The following ABI2 variants were observed in gnomAD, a reference collection of about 807,000 sequenced individuals.
ABI2 encodes the protein abelson interactor 2.
Under a neutral mutation model 59.2 loss-of-function variants are expected in ABI2, and 25 were observed. That is an observed-to-expected ratio of 0.42 (90% confidence interval 0.31 to 0.59). ABI2 has a LOEUF of 0.59. ABI2 is among the 20% of genes least tolerant of loss of function. The pLI is 0.14. For missense variants in ABI2, 545 were observed against 681.8 expected, an observed-to-expected ratio of 0.80 and a Z score of 2.23; for synonymous variants, 213 against 235.5, an observed-to-expected ratio of 0.90 and a Z score of 0.87.
intron 11 of ABI2, among the ~76,000 whole-genome samples, chr2:203,422,347 G>C (rs2443791): frequency 2.6e-5 from 4 of 152,182 alleles, no homozygotes; most frequent in African/African-American, 4.8e-5. Context: ...ACACTGCTTA[G>C]AAAATCTCAG....
At chr2:203,426,883 A>C (rs77947140) in intron 11 of ABI2, among the ~76,000 whole-genome samples, 1 of 151,794 alleles carries the variant, frequency 6.6e-6, no homozygotes, top group Non-Finnish European at 1.5e-5. Flanking sequence ...TACCTCTTCA[A>C]TGAGGTACTT....
chr2:203,431,959 A>G lies in ABI2; in HGVS notation c.*4607A>G, dbSNP rs1375616428. On this transcript the variant is annotated 3_prime_UTR_variant, in exon 12 of 12. Coordinates refer to ENST00000261018, the MANE Select transcript of ABI2 (RefSeq NM_001375670.1). ...TTGTGATCTGGCCAGTTGTACTTTTAGCTCCCAGAGGGAGAGTTGGTGGTA... is the reference window on the plus strand; with the variant it reads ...TTGTGATCTGGCCAGTTGTACTTTTGGCTCCCAGAGGGAGAGTTGGTGGTA... 2.6e-5 allele frequency: 4 copies of G among 152,214 alleles called. No individual in the cohort carries two copies. The highest frequency in any genetic ancestry group is 4.4e-5 in the Non-Finnish European group (3 of 68,034). The allele number at this position is 152,214 out of a possible 1,614,324, so 9.4% of individuals were successfully genotyped here.
intron 3 of ABI2, among the ~76,000 whole-genome samples, chr2:203,381,794 CA>C (rs771498738): frequency 3.3e-5 from 5 of 152,110 alleles, no homozygotes; most frequent in Non-Finnish European, 5.9e-5. Context: ...TGCCCAATTA[CA>C]TAAGAAAAAA....
At chr2:203,363,402 T>C (rs184742879) in intron 1 of ABI2, among the ~76,000 whole-genome samples, 136 of 152,246 alleles carry the variant, frequency 8.9e-4, no homozygotes, top group African/African-American at 3.2e-3. Context: ...ACTCATTCTT[T>C]TCTATTTTTC....
chr2:203,345,961 C>T (rs541412442), intron 1 of ABI2, among the ~76,000 whole-genome samples: 2 of 151,930 alleles, frequency 1.3e-5, no homozygotes, highest in East Asian at 3.9e-4. Context: ...GGGCAAATCA[C>T]CTGAGATCAG....
intron 2 of ABI2, among the ~76,000 whole-genome samples, chr2:203,372,116 G>T (rs1006925398): frequency 7.2e-5 from 11 of 151,938 alleles, no homozygotes; most frequent in Admixed American, 5.9e-4. Flanking sequence ...TGAGATTAGG[G>T]AGTGGTGATG....
chr2:203,389,981 C>G lies in ABI2; in HGVS notation c.481-1065C>G, dbSNP rs114658175. Reference sequence around the variant, plus strand: ...ACTTAGGACTATGTTACATCTTTCTCATGCCTGAATTCACCTTCAGTTTGG... The same window carrying G: ...ACTTAGGACTATGTTACATCTTTCTGATGCCTGAATTCACCTTCAGTTTGG... On this transcript the variant is annotated intron_variant, in intron 4 of 11. Coordinates refer to ENST00000261018, the MANE Select transcript of ABI2 (RefSeq NM_001375670.1). 3.9e-3 allele frequency among the ~76,000 whole-genome samples: 599 copies of G among 152,324 alleles called. 1 individual carries two copies. The highest frequency in any genetic ancestry group is 5.4e-3 in the Non-Finnish European group (369 of 68,032).
chr2:203,408,183 A>T (rs1275631163), intron 9 of ABI2, among the ~76,000 whole-genome samples: 1 of 137,964 alleles, frequency 7.2e-6, no homozygotes. Context: ...TTTTTTTGAG[A>T]TGGAGTTTTG....
chr2:203,430,702 T>C lies in ABI2; in HGVS notation c.*3350T>C, dbSNP rs1213604768. The C allele has an allele frequency of 1.3e-5, 2 of 151,762 alleles. No homozygotes were observed. Among genetic ancestry groups the C allele is most frequent in the Non-Finnish European group, 3.0e-5 (2 of 67,622 alleles). The allele number at this position is 151,762 out of a possible 1,614,324, so 9.4% of individuals were successfully genotyped here. ...GTTGACAGTGGCCTGCTAATTTTGC[T>C]ATGTTCCTAAAAGTTACTGGGTGTG... On this transcript the variant is annotated 3_prime_UTR_variant, in exon 12 of 12. Coordinates refer to ENST00000261018, the MANE Select transcript of ABI2 (RefSeq NM_001375670.1).
intron 1 of ABI2, among the ~76,000 whole-genome samples, chr2:203,348,878 TA>T (rs1409355231): frequency 6.6e-6 from 1 of 152,064 alleles, no homozygotes; most frequent in African/African-American, 2.4e-5. Flanking sequence ...TAAAAAATAG[TA>T]CAAAGCCCCC....
At position 203,346,509 on chromosome 2, in the gene ABI2, G is replaced by A. The variant is rs182026743; in HGVS notation, c.117+17878G>A. Among the ~76,000 whole-genome samples the A allele has an allele frequency of 3.9e-5, 6 of 152,294 alleles. No individual in the cohort carries two copies. In the East Asian group the frequency reaches 1.2e-3, roughly 29 times the overall value. ...TTTGAGAAATACTGGTCTGTGTTTT[G>A]GGTTTATCCATTACTGGAGTTGCAC... is the stretch of plus-strand genomic sequence containing the variant. On this transcript the variant is annotated intron_variant, in intron 1 of 11. Transcript: ENST00000261018.
intron 4 of ABI2, among the ~76,000 whole-genome samples, chr2:203,385,159 G>GAC (rs1559293117): frequency 3.7e-5 from 1 of 26,926 alleles, no homozygotes; most frequent in Non-Finnish European, 1.0e-4. Context: ...TTTTGAGACA[G>GAC]TCTTGCCGTT....
At chr2:203,340,153 A>G (rs566950584) in intron 1 of ABI2, among the ~76,000 whole-genome samples, 3 of 152,348 alleles carry the variant, frequency 2.0e-5, no homozygotes, top group African/African-American at 7.2e-5. Context: ...TTTCACTTAT[A>G]TGAGGAATCT....
intron 1 of ABI2, among the ~76,000 whole-genome samples, chr2:203,334,700 G>T (rs910829442): frequency 3.4e-5 from 5 of 149,006 alleles, no homozygotes; most frequent in African/African-American, 1.2e-4. Context: ...AGTCTCTGTC[G>T]CCCAGGCTGG....
intron 1 of ABI2, among the ~76,000 whole-genome samples, chr2:203,349,846 C>T (rs1005645894): frequency 2.6e-5 from 4 of 151,654 alleles, no homozygotes; most frequent in African/African-American, 9.7e-5. Flanking sequence ...TAACATATAA[C>T]GTTATAAATA....
At chr2:203,404,431 AATCATTCTGAACTTAAATTTTG>A (rs2097345555) in intron 9 of ABI2, among the ~76,000 whole-genome samples, 1 of 152,182 alleles carries the variant, frequency 6.6e-6, no homozygotes, top group Admixed American at 6.5e-5. Context: ...ATTCTTTTTA[AATCATTCTGAACTTAAATTTTG>A]ACAAAACTGC....
chr2:203,370,560 T>C (rs1263602194), intron 2 of ABI2, among the ~76,000 whole-genome samples: 1 of 152,254 alleles, frequency 6.6e-6, no homozygotes, highest in African/African-American at 2.4e-5. Context: ...CATTCTGGCA[T>C]GGAGCCTTAG....
rs2097916196 is a variant in ABI2 at position 203,416,924 on chromosome 2, TCCACCG to T, written c.1302_1307del (p.Pro435_Pro436del). On this transcript the variant is annotated inframe_deletion, in exon 11 of 12. Transcript: ENST00000261018. Reference sequence around the variant, plus strand: ...CGTTCTTAGTTTCAGATACACCACCTCCACCGCCACCTGTGGAAGAACCAGTCTTTG... The same window carrying T: ...CGTTCTTAGTTTCAGATACACCACCTCCACCTGTGGAAGAACCAGTCTTTG... 1 of 1,612,430 alleles carries T rather than the reference TCCACCG, an allele frequency of 6.2e-7. No individual in the cohort carries two copies. Among genetic ancestry groups the T allele is most frequent in the African/African-American group, 1.3e-5 (1 of 74,834 alleles).
At chr2:203,372,570 C>T (rs1023273966) in intron 2 of ABI2, among the ~76,000 whole-genome samples, 1 of 150,250 alleles carries the variant, frequency 6.7e-6, no homozygotes, top group Admixed American at 6.6e-5. Flanking sequence ...GACCCCCCCA[C>T]CTCCCTCCCG....
Sources: gnomAD v4.1 joint callset for allele counts (sites outside exome capture counted in the v4.1 genomes callset) on GRCh38, gnomAD v4.1.1 for gene constraint, MANE v1.5 for transcripts, NCBI Gene and HGNC (gene_info 2026-07-23, HGNC 2026-07-21) for gene names.